Variants in C16orf96 observed in about 807,000 individuals in gnomAD.
C16orf96 encodes chromosome 16 open reading frame 96, also known as uncharacterized protein C16orf96.
Under a neutral mutation model 103.6 loss-of-function variants are expected in C16orf96, and 108 were observed. The ratio of observed to expected loss-of-function variants is 1.04; its 90% CI spans 0.89 to 1.22. The LOEUF (loss-of-function observed/expected upper bound fraction) is 1.22. Ranked by LOEUF, C16orf96 falls within the 50% of genes most tolerant of loss-of-function variation. The pLI, the probability that C16orf96 is intolerant of heterozygous loss-of-function variation, is 0.00. For synonymous variants in C16orf96, 566 were observed against 593.5 expected (o/e 0.95, Z 0.67); for missense variants, 1,586 against 1,464.2 (o/e 1.08, Z -1.36).
At chr16:4,597,193 A>G (rs1251333939) in intron 14 of C16orf96, among the ~76,000 whole-genome samples, 1 of 152,124 alleles carries the variant, frequency 6.6e-6, no homozygotes, top group Non-Finnish European at 1.5e-5. Context: ...TGGCCGTTCC[A>G]GCCCCTGCCC....
the C16orf96 span, among the ~76,000 whole-genome samples, chr16:4,544,555 C>T: frequency 6.6e-6 from 1 of 152,180 alleles, no homozygotes; most frequent in Non-Finnish European, 1.5e-5. Context: ...TGCAGTGAGC[C>T]TGGTGATCAC....
chr16:4,548,379 CTTATT>C, the C16orf96 span, among the ~76,000 whole-genome samples: 1 of 152,192 alleles, frequency 6.6e-6, no homozygotes, highest in Non-Finnish European at 1.5e-5. Flanking sequence ...GCCACCACCT[CTTATT>C]TTTAGTCCAG....
At chr16:4,545,160 C>T in the C16orf96 span, among the ~76,000 whole-genome samples, 1 of 152,178 alleles carries the variant, frequency 6.6e-6, no homozygotes. Context: ...TCTGAATCCT[C>T]TCCCCCGCCA....
Position 4,564,935 on chromosome 16 carries a change from C to G in C16orf96, c.421-6626C>G, listed in dbSNP as rs372882180. ...GTTGCCATGATTGCAGTAATGGTAA[C>G]GAACACTCAGATGTCATTGGTGTCA... On this transcript the variant is annotated intron_variant, in intron 1 of 15. Coordinates refer to ENST00000444310, the MANE Select transcript of C16orf96 (RefSeq NM_001145011.2). Among the ~76,000 whole-genome samples the G allele has an allele frequency of 3.3e-5, 5 of 152,304 alleles. No individual in the cohort carries two copies. The East Asian group carries it at 9.6e-4, about 29-fold the overall frequency.
At chr16:4,597,910 G>T (rs1260225115) in intron 14 of C16orf96, among the ~76,000 whole-genome samples, 9 of 152,082 alleles carry the variant, frequency 5.9e-5, no homozygotes, top group Admixed American at 5.9e-4. Context: ...CGGATTTATA[G>T]CATCTTAAAG....
In C16orf96 at chr16:4,556,910, G is replaced by A; in HGVS notation, c.420+1G>A. On this transcript the variant is annotated splice_donor_variant, in intron 1 of 15. Transcript: ENST00000444310. LOFTEE classifies it high-confidence loss of function. ...GGGTCATGATGAAGTCATGGCCAAGGTACGCCCCCAGCCTCCAGACACTTC... is the reference window on the plus strand; with the variant it reads ...GGGTCATGATGAAGTCATGGCCAAGATACGCCCCCAGCCTCCAGACACTTC... 1 of 1,536,878 alleles carries A rather than the reference G, an allele frequency of 6.5e-7. No homozygotes were observed. The highest frequency in any genetic ancestry group is 8.8e-7 in the Non-Finnish European group (1 of 1,136,076).
intron 1 of C16orf96, among the ~76,000 whole-genome samples, chr16:4,558,288 G>C (rs1224536381): frequency 6.6e-6 from 1 of 152,210 alleles, no homozygotes; most frequent in African/African-American, 2.4e-5. Context: ...CACGTGGACA[G>C]TGTTCAGTTA....
upstream of C16orf96, among the ~76,000 whole-genome samples, chr16:4,554,436 C>T (rs924840397): frequency 1.3e-5 from 2 of 151,376 alleles, no homozygotes; most frequent in Non-Finnish European, 2.9e-5. Context: ...CTGCAAGCTC[C>T]GCCTCCCAGA....
the C16orf96 span, among the ~76,000 whole-genome samples, chr16:4,546,409 C>T: frequency 2.7e-5 from 4 of 150,514 alleles, no homozygotes; most frequent in South Asian, 2.1e-4. Flanking sequence ...CTGCCTGCCT[C>T]GGCCTCCCAG....
intron 6 of C16orf96, 64 bp from the exon 7 acceptor site, chr16:4,579,951 C>A: frequency 7.2e-7 from 1 of 1,380,872 alleles, no homozygotes; most frequent in Non-Finnish European, 1.0e-6. Context: ...CTCCCTCAGG[C>A]CCCTTCCCGG....
At chr16:4,583,223 A>T (rs1896835352) in intron 7 of C16orf96, among the ~76,000 whole-genome samples, 2 of 149,132 alleles carry the variant, frequency 1.3e-5, no homozygotes, top group South Asian at 4.3e-4. Flanking sequence ...GGGCAACAAG[A>T]GCAAAACTCC....
Position 4,580,016 on chromosome 16 carries a change from A to C in C16orf96, c.2243A>C (p.Glu748Ala). The change falls in exon 7 of 16, where the codon GAG becomes GCG. Residue 748 changes from glutamate to alanine, a missense_variant and splice_region_variant. Physicochemically the swap from Glu to Ala is moderately radical, Grantham distance 107 (BLOSUM62 -1). Transcript: ENST00000444310. ...IGSLQKSRLK[E>A]EELERIWGNQ... ...GGTGTCTGTGTCTCCCCCTTTTAGG[A>C]GGAAGAACTTGAGAGAATTTGGGGC... The C allele has an allele frequency of 5.2e-6, 8 of 1,550,262 alleles. No homozygotes were observed. Among genetic ancestry groups the C allele is most frequent in the Non-Finnish European group, 7.0e-6 (8 of 1,146,008 alleles).
intron 5 of C16orf96, among the ~76,000 whole-genome samples, chr16:4,577,803 A>G (rs1376204320): frequency 2.6e-5 from 4 of 152,190 alleles, no homozygotes; most frequent in Non-Finnish European, 2.9e-5. Flanking sequence ...TAAAAATACA[A>G]AAGTTAGCCA....
the C16orf96 span, among the ~76,000 whole-genome samples, chr16:4,550,895 G>C: frequency 6.6e-6 from 1 of 152,234 alleles, no homozygotes. Context: ...CACTGGAGCT[G>C]AGCCAGCAAA....
chr16:4,580,073 T>C lies in C16orf96; in HGVS notation c.2300T>C (p.Ile767Thr). The C allele has an allele frequency of 6.5e-7, 1 of 1,549,478 alleles. No homozygotes were observed. The highest frequency in any genetic ancestry group is 2.5e-5 in the East Asian group (1 of 40,666). ...NQIEMMKDRY[I>T]TLDKAVENLQ... is the part of the protein sequence containing the mutation. ...ATAGAGATGATGAAGGATCGCTACATCACTTTGGACAAGGCGGTGGAGAAC... is the reference window on the plus strand; with the variant it reads ...ATAGAGATGATGAAGGATCGCTACACCACTTTGGACAAGGCGGTGGAGAAC... Residue 767 changes from isoleucine to threonine, a missense_variant, in exon 7 of 16, where the codon ATC becomes ACC. By Grantham distance (89) the Ile-to-Thr change is moderately conservative. Coordinates refer to ENST00000444310, the MANE Select transcript of C16orf96 (RefSeq NM_001145011.2).
chr16:4,580,164 G>C (rs2059566328), intron 7 of C16orf96, 39 bp downstream of exon 7: 1 of 1,428,898 alleles, frequency 7.0e-7, no homozygotes, highest in Non-Finnish European at 9.3e-7. Context: ...GGCTGGCAAA[G>C]GGAGAATTCC....
At position 4,591,736 on chromosome 16, in the gene C16orf96, T is replaced by C. The variant is rs1367669352; in HGVS notation, c.2663T>C (p.Leu888Pro). The stretch of plus-strand genomic sequence containing the variant: ...GTCTGGAAAATCGTCCGGAAGCTGC[T>C]GATTGAGGGCTTAAGACTGGATCCT... ...EEVWKIVRKL[L>P]IEGLRLDPDS... Residue 888 changes from leucine to proline, a missense_variant, in exon 10 of 16, where the codon CTG becomes CCG. Physicochemically the swap from Leu to Pro is moderately conservative, Grantham distance 98 (BLOSUM62 -3). Transcript: ENST00000444310. 1 of 1,551,696 alleles carries C rather than the reference T, an allele frequency of 6.4e-7. No individual in the cohort carries two copies. Among genetic ancestry groups the C allele is most frequent in the South Asian group, 1.2e-5 (1 of 84,068 alleles).
At chr16:4,555,656 C>G (rs1364979599), upstream of C16orf96, among the ~76,000 whole-genome samples, 1 of 151,798 alleles carries the variant, frequency 6.6e-6, no homozygotes, top group African/African-American at 2.4e-5. Context: ...CATATGTCAG[C>G]CACTGTGCCC....
chr16:4,555,392 G>A (rs1318029784), upstream of C16orf96, among the ~76,000 whole-genome samples: 1 of 148,494 alleles, frequency 6.7e-6, no homozygotes, highest in Admixed American at 6.7e-5. Context: ...TTTTTCTTTT[G>A]AGACGGAGTC....
Sources: allele counts gnomAD v4.1 joint callset (sites outside exome capture counted in the v4.1 genomes callset), GRCh38; gene constraint gnomAD v4.1.1; transcripts MANE v1.5; gene names NCBI Gene and HGNC (gene_info 2026-07-23, HGNC 2026-07-21).